KLHL18: variants seen among roughly 807,000 people sequenced by gnomAD.
KLHL18 encodes kelch-like protein 18.
In KLHL18, 38 loss-of-function variants were observed where a neutral mutation model predicts 58.5. The ratio of observed to expected loss-of-function variants is 0.65; its 90% confidence interval spans 0.50 to 0.85. The LOEUF is 0.85. Ranked by LOEUF, KLHL18 falls within the 40% of genes least tolerant of loss-of-function variation. The probability of loss-of-function intolerance (pLI) is 0.00; values close to 1 mark genes in which losing one functional copy is unlikely to be tolerated. For missense variants in KLHL18, 624 were observed against 778.4 expected (o/e 0.80, Z 2.36); for synonymous variants, 303 against 301.9 (o/e 1.00, Z -0.04).
chr3:47,328,430 A>G (rs185651537), intron 3 of KLHL18, among the ~76,000 whole-genome samples: 96 of 152,302 alleles, frequency 6.3e-4, no homozygotes, highest in African/African-American at 2.2e-3. Flanking sequence ...GGTACCATGT[A>G]TCATGGCTCA....
intron 1 of KLHL18, among the ~76,000 whole-genome samples, chr3:47,314,934 T>G (rs1483522113): frequency 6.6e-6 from 1 of 152,236 alleles, no homozygotes; most frequent in African/African-American, 2.4e-5. Flanking sequence ...AGCTGGTTTT[T>G]TTTTGAAACC....
chr3:47,293,526 A>C (rs896511455), intron 1 of KLHL18, among the ~76,000 whole-genome samples: 1 of 152,238 alleles, frequency 6.6e-6, no homozygotes, highest in African/African-American at 2.4e-5. Context: ...CTGCACTTCA[A>C]ATGGTCACTT....
intron 1 of KLHL18, among the ~76,000 whole-genome samples, chr3:47,297,221 C>T (rs1308842930): frequency 1.3e-5 from 2 of 152,086 alleles, no homozygotes; most frequent in Non-Finnish European, 2.9e-5. Context: ...AAAATGCTAT[C>T]GAAAACTGCA....
chr3:47,297,694 G>T, intron 1 of KLHL18: 2 of 449,246 alleles, frequency 4.5e-6, no homozygotes, highest in Non-Finnish European at 8.9e-6. Context: ...CAGAAATTTT[G>T]TTACTTGTTT....
chr3:47,287,452 AGTGT>A (rs61511395), intron 1 of KLHL18: 130,406 of 149,522 alleles, frequency 0.87, 57,425 homozygotes, highest in South Asian at 0.97. Flanking sequence ...AATGCTCAGT[AGTGT>A]GTGTGTGTGT....
chr3:47,318,069 A>G (rs1384010495), intron 1 of KLHL18, among the ~76,000 whole-genome samples: 3 of 152,134 alleles, frequency 2.0e-5, no homozygotes, highest in East Asian at 1.9e-4. Flanking sequence ...CATGTTGCCC[A>G]GGCTGCTCTC....
intron 7 of KLHL18, among the ~76,000 whole-genome samples, chr3:47,340,035 CA>C (rs1704074607): frequency 2.6e-5 from 4 of 152,292 alleles, no homozygotes; most frequent in African/African-American, 9.6e-5. Flanking sequence ...AGTGACAGAG[CA>C]AGGCTCTGAT....
intron 1 of KLHL18, among the ~76,000 whole-genome samples, chr3:47,299,915 T>G (rs946007145): frequency 1.3e-5 from 2 of 151,070 alleles, no homozygotes; most frequent in Admixed American, 1.3e-4. Flanking sequence ...TGCAGATTTC[T>G]GACTCAAGAC....
chr3:47,329,239 T>C (rs997009919), intron 3 of KLHL18, among the ~76,000 whole-genome samples: 3 of 152,186 alleles, frequency 2.0e-5, no homozygotes, highest in Admixed American at 6.5e-5. Flanking sequence ...TTTTTGTTTT[T>C]TGTTTTGAGA....
At chr3:47,317,112 G>C (rs1163692171) in intron 1 of KLHL18, among the ~76,000 whole-genome samples, 1 of 152,086 alleles carries the variant, frequency 6.6e-6, no homozygotes, top group African/African-American at 2.4e-5. Context: ...TCTACTAGAA[G>C]ACACATTTTT....
intron 2 of KLHL18, 132 bp downstream of exon 2, chr3:47,319,915 A>G (rs1446318919): frequency 1.0e-6 from 1 of 976,176 alleles, no homozygotes; most frequent in African/African-American, 1.6e-5. Flanking sequence ...ATAAGTGATT[A>G]ATAAGCAGAT....
intron 1 of KLHL18, among the ~76,000 whole-genome samples, chr3:47,311,420 T>C (rs761811192): frequency 3.3e-5 from 5 of 152,006 alleles, no homozygotes; most frequent in South Asian, 2.1e-4. Flanking sequence ...AGGCCAGGCG[T>C]GGTGGCTCAC....
At chr3:47,300,850 G>A (rs955448241) in intron 1 of KLHL18, among the ~76,000 whole-genome samples, 13 of 151,846 alleles carry the variant, frequency 8.6e-5, no homozygotes, top group Non-Finnish European at 1.3e-4. Flanking sequence ...TGTTGGTCAG[G>A]CTGGTCTCGA....
chr3:47,295,226 C>T (rs894841145), intron 1 of KLHL18, among the ~76,000 whole-genome samples: 1 of 152,132 alleles, frequency 6.6e-6, no homozygotes, highest in African/African-American at 2.4e-5. Context: ...CTGTCTCAGA[C>T]GTCAGAGGGA....
At position 47,309,202 on chromosome 3, in the gene KLHL18, C is replaced by T. The variant is rs75645572; in HGVS notation, c.130-10451C>T. 0.015 allele frequency among the ~76,000 whole-genome samples: 2,209 copies of T among 152,324 alleles called. 185 individuals carry two copies. The East Asian group carries it at 0.23, about 16-fold the overall frequency. ...CAGACACAGCAACAATCTGATTTCT[C>T]TATCTTTTCCCCACATTTCCCCCTT... On this transcript the variant is annotated intron_variant, in intron 1 of 9. Coordinates refer to ENST00000232766, the MANE Select transcript of KLHL18 (RefSeq NM_025010.5).
intron 1 of KLHL18, among the ~76,000 whole-genome samples, chr3:47,299,799 C>A (rs1191235545): frequency 8.1e-6 from 1 of 123,578 alleles, no homozygotes; most frequent in South Asian, 2.8e-4. Flanking sequence ...TGCACTCCAG[C>A]CTGCGTGACA....
At position 47,313,375 on chromosome 3, in the gene KLHL18, A is replaced by G. The variant is rs76275486; in HGVS notation, c.130-6278A>G. On this transcript the variant is annotated intron_variant, in intron 1 of 9. Coordinates refer to ENST00000232766, the MANE Select transcript of KLHL18 (RefSeq NM_025010.5). Reference sequence around the variant, plus strand: ...TGGGACTACAGACGCATACCACTGCACCCAGCTAATTCATTTTATTTTATT... The same window carrying G: ...TGGGACTACAGACGCATACCACTGCGCCCAGCTAATTCATTTTATTTTATT... Among the ~76,000 whole-genome samples the G allele has an allele frequency of 1.7e-3, 254 of 152,088 alleles. 2 individuals carry two copies. Among genetic ancestry groups the G allele is most frequent in the African/African-American group, 5.8e-3 (241 of 41,474 alleles).
intron 1 of KLHL18, among the ~76,000 whole-genome samples, chr3:47,295,343 T>C (rs1702873747): frequency 6.6e-6 from 1 of 152,156 alleles, no homozygotes; most frequent in South Asian, 2.1e-4. Flanking sequence ...CCCTCTCTGC[T>C]ATTCTACCCT....
At position 47,334,594 on chromosome 3, in the gene KLHL18, G is replaced by C. The variant is rs1559503177; in HGVS notation, c.762-89G>C. The C allele has an allele frequency of 6.7e-7, 1 of 1,484,844 alleles. No individual in the cohort carries two copies. 92.0% of individuals were successfully genotyped at this position (1,484,844 alleles called of 1,614,324 possible). ...CTTCTCCTCCCAGGTTTCCCCTGCAGTTGGCAGTGGAGAGCCAGGCTCAGA... is the reference window on the plus strand; with the variant it reads ...CTTCTCCTCCCAGGTTTCCCCTGCACTTGGCAGTGGAGAGCCAGGCTCAGA... On this transcript the variant is annotated intron_variant, in intron 5 of 9. Coordinates refer to ENST00000232766, the MANE Select transcript of KLHL18 (RefSeq NM_025010.5). The surrounding 1 kb of genome is among the most constrained non-coding windows in gnomAD (Gnocchi z 4.7).
Sources: gnomAD v4.1 joint callset for allele counts (sites outside exome capture counted in the v4.1 genomes callset) on GRCh38, gnomAD v4.1.1 for gene constraint, Gnocchi (gnomAD v3.1) non-coding constraint, MANE v1.5 for transcripts, NCBI Gene and HGNC (gene_info 2026-07-23, HGNC 2026-07-21) for gene names.